Variants in CUX2 observed in about 807,000 individuals in gnomAD.
CUX2 encodes homeobox protein cut-like 2.
In CUX2, 40 loss-of-function variants were observed where a neutral mutation model predicts 144.8. The observed-to-expected ratio is 0.28, with a 90% CI of 0.21 to 0.36. The LOEUF is 0.36. Among genes scored for constraint, CUX2 ranks in the 10% least tolerant of loss-of-function variants. The pLI, the probability that CUX2 is intolerant of heterozygous loss-of-function variation, is 1.00. For synonymous variants in CUX2, 827 were observed against 875.6 expected, an observed-to-expected ratio of 0.94 and a Z score of 0.98; for missense variants, 1,615 against 1,994.0, an observed-to-expected ratio of 0.81 and a Z score of 3.62.
At chr12:111,324,995 A>C (rs1273821928) in intron 18 of CUX2, among the ~76,000 whole-genome samples, 1 of 152,112 alleles carries the variant, frequency 6.6e-6, no homozygotes, top group Admixed American at 6.6e-5. Flanking sequence ...GATTAAAAGC[A>C]GCCATGCTGG....
intron 1 of CUX2, among the ~76,000 whole-genome samples, chr12:111,098,259 G>T (rs1169510791): frequency 6.6e-6 from 1 of 152,196 alleles, no homozygotes; most frequent in South Asian, 2.1e-4. Context: ...AATTAACCGG[G>T]TGTGGTGGTG....
At chr12:111,113,385 A>G (rs983797143) in intron 1 of CUX2, among the ~76,000 whole-genome samples, 1 of 152,064 alleles carries the variant, frequency 6.6e-6, no homozygotes, top group Non-Finnish European at 1.5e-5. Context: ...GAACAGTTCC[A>G]TCACCCCCCG....
intron 1 of CUX2, among the ~76,000 whole-genome samples, chr12:111,204,829 T>C (rs1053917701): frequency 2.6e-5 from 4 of 152,224 alleles, no homozygotes; most frequent in African/African-American, 9.6e-5. Flanking sequence ...CCTGCTGTTC[T>C]CACAGCACTG....
intron 1 of CUX2, among the ~76,000 whole-genome samples, chr12:111,172,173 G>A (rs1311831531): frequency 3.3e-5 from 5 of 152,244 alleles, no homozygotes; most frequent in African/African-American, 1.2e-4. Flanking sequence ...GTGTTTGTGT[G>A]TGTATGTGCA....
intron 1 of CUX2, among the ~76,000 whole-genome samples, chr12:111,089,389 A>G (rs1274160499): frequency 6.6e-6 from 1 of 152,222 alleles, no homozygotes; most frequent in East Asian, 1.9e-4. Flanking sequence ...AACACACTGT[A>G]GGGGACAAAA....
chr12:111,272,937 C>T (rs1024152405), intron 4 of CUX2, among the ~76,000 whole-genome samples: 1 of 152,186 alleles, frequency 6.6e-6, no homozygotes, highest in African/African-American at 2.4e-5. Context: ...GTGCTGCTGC[C>T]TGGGAGGTGT....
At chr12:111,187,923 C>G (rs955833299) in intron 1 of CUX2, among the ~76,000 whole-genome samples, 1 of 152,246 alleles carries the variant, frequency 6.6e-6, no homozygotes, top group Non-Finnish European at 1.5e-5. Context: ...GCCAGGCACC[C>G]TGCACCCCAG....
intron 3 of CUX2, among the ~76,000 whole-genome samples, chr12:111,222,535 G>C (rs1253034982): frequency 6.6e-6 from 1 of 152,226 alleles, no homozygotes; most frequent in African/African-American, 2.4e-5. Context: ...AAACACAGTA[G>C]TTTGGAGACC....
chr12:111,342,015 C>A lies in CUX2; in HGVS notation c.3621C>A (p.Leu1207=), dbSNP rs974401706. 1.9e-6 allele frequency: 3 copies of A among 1,613,962 alleles called. No individual in the cohort carries two copies. In the African/African-American group the frequency reaches 4.0e-5, roughly 22 times the overall value. Residue 1207 remains leucine, a synonymous_variant, in exon 21 of 22, where the codon CTC becomes CTA. Transcript: ENST00000261726. Reference sequence around the variant, plus strand: ...AGCTCCTCTCCTTCCAGCTCAACCTCAAGACCAACACCGTCATCAACTGGT... The same window carrying A: ...AGCTCCTCTCCTTCCAGCTCAACCTAAAGACCAACACCGTCATCAACTGGT... ...TIELLSFQLN[L]KTNTVINWFH...
chr12:111,123,624 C>T (rs1164625195), intron 1 of CUX2, among the ~76,000 whole-genome samples: 1 of 152,120 alleles, frequency 6.6e-6, no homozygotes, highest in Non-Finnish European at 1.5e-5. Context: ...CAACTTCCAC[C>T]TCTCAGGCTC....
chr12:111,078,322 G>A (rs1377959850), intron 1 of CUX2, among the ~76,000 whole-genome samples: 1 of 152,172 alleles, frequency 6.6e-6, no homozygotes, highest in Non-Finnish European at 1.5e-5. Context: ...GCTGAGCATT[G>A]GGAGGAAGCA....
At chr12:111,229,379 C>T (rs1882346915) in intron 3 of CUX2, among the ~76,000 whole-genome samples, 1 of 152,164 alleles carries the variant, frequency 6.6e-6, no homozygotes, top group South Asian at 2.1e-4. Flanking sequence ...TGCAGGAGGC[C>T]TTCAGACATC....
Position 111,255,497 on chromosome 12 carries a change from G to A in CUX2, c.223-8264G>A, listed in dbSNP as rs115767624. Among the ~76,000 whole-genome samples the A allele has an allele frequency of 1.5e-3, 235 of 152,242 alleles. No individual in the cohort carries two copies. Among genetic ancestry groups the A allele is most frequent in the African/African-American group, 5.3e-3 (219 of 41,556 alleles). On this transcript the variant is annotated intron_variant, in intron 3 of 21. Coordinates refer to ENST00000261726, the MANE Select transcript of CUX2 (RefSeq NM_015267.4). The surrounding 1 kb of genome is among the most constrained non-coding windows in gnomAD (Gnocchi z 4.1). ...GCCTCCCGTCCCCCACCTACCTGCC[G>A]GCCTGGCTCCTCCAGCTCTTTTGGT...
At chr12:111,097,770 C>T (rs146333959) in intron 1 of CUX2, among the ~76,000 whole-genome samples, 1 of 152,210 alleles carries the variant, frequency 6.6e-6, no homozygotes, top group Non-Finnish European at 1.5e-5. Context: ...GGCAGGGGAT[C>T]GGGGTGGCTG....
At chr12:111,163,244 T>C (rs983762994) in intron 1 of CUX2, among the ~76,000 whole-genome samples, 1 of 152,168 alleles carries the variant, frequency 6.6e-6, no homozygotes, top group Admixed American at 6.5e-5. Context: ...TGGAGGCTGT[T>C]AGTTAAGTAT....
intron 1 of CUX2, among the ~76,000 whole-genome samples, chr12:111,036,520 A>T (rs555080500): frequency 1.3e-5 from 2 of 151,952 alleles, no homozygotes; most frequent in Admixed American, 1.3e-4. Flanking sequence ...AGATGCATAG[A>T]TGGAAAGCAA....
chr12:111,330,509 C>T (rs1888036237), intron 18 of CUX2, among the ~76,000 whole-genome samples: 3 of 151,120 alleles, frequency 2.0e-5, no homozygotes, highest in Admixed American at 2.0e-4. Context: ...ATAGCACTTA[C>T]CTCTTAGAGG....
chr12:111,179,502 G>A (rs1028976582), intron 1 of CUX2, among the ~76,000 whole-genome samples: 16 of 152,302 alleles, frequency 1.1e-4, no homozygotes, highest in African/African-American at 3.8e-4. Flanking sequence ...CATTAATAAC[G>A]ATCCTACTTC....
chr12:111,137,100 G>A (rs1027669797), intron 1 of CUX2, among the ~76,000 whole-genome samples: 1 of 147,880 alleles, frequency 6.8e-6, no homozygotes, highest in Non-Finnish European at 1.5e-5. Context: ...ACCACACCTG[G>A]CTAATTTTTT....
Sources: allele counts gnomAD v4.1 joint callset (sites outside exome capture counted in the v4.1 genomes callset), GRCh38; gene constraint gnomAD v4.1.1; non-coding constraint Gnocchi (gnomAD v3.1); transcripts MANE v1.5; gene names NCBI Gene and HGNC (gene_info 2026-07-23, HGNC 2026-07-21).